The following CFAP210 variants were observed in gnomAD, a reference collection of about 807,000 sequenced individuals.
CFAP210 encodes cilia and flagella associated protein 210, also known as cilia- and flagella- associated protein 210.
the CFAP210 span, among the ~76,000 whole-genome samples, chr2:169,673,203 C>T: frequency 6.6e-6 from 1 of 152,184 alleles, no homozygotes; most frequent in East Asian, 1.9e-4. Flanking sequence ...CTGACACATA[C>T]TACAAGGAAA....
chr2:169,654,346 A>G, the CFAP210 span: 2 of 730,690 alleles, frequency 2.7e-6, no homozygotes, highest in Non-Finnish European at 4.2e-6. Context: ...ATTTTATCCC[A>G]AAGAGATGAT....
the CFAP210 span, chr2:169,646,308 T>A: frequency 1.4e-6 from 1 of 694,718 alleles, no homozygotes; most frequent in Non-Finnish European, 2.4e-6. Context: ...AGTTCTGATT[T>A]AACAACTATA....
the CFAP210 span, among the ~76,000 whole-genome samples, chr2:169,674,078 A>T: frequency 6.6e-6 from 1 of 152,162 alleles, no homozygotes; most frequent in Non-Finnish European, 1.5e-5. Context: ...ATGGAAGGCC[A>T]AGTATACTTC....
chr2:169,689,418 A>T, the CFAP210 span, among the ~76,000 whole-genome samples: 8 of 152,242 alleles, frequency 5.3e-5, no homozygotes, highest in South Asian at 1.7e-3. Context: ...TAAGTTCATC[A>T]TCAGATTCTT....
chr2:169,649,313 T>G, the CFAP210 span: 420 of 1,612,000 alleles, frequency 2.6e-4, 1 homozygote, highest in Non-Finnish European at 3.4e-5. Flanking sequence ...GCCTCTATTT[T>G]TCTTTGTCTT....
the CFAP210 span, among the ~76,000 whole-genome samples, chr2:169,654,582 T>C: frequency 6.6e-6 from 1 of 152,156 alleles, no homozygotes; most frequent in East Asian, 1.9e-4. Context: ...TATTCCAATT[T>C]CACAAATACA....
the CFAP210 span, among the ~76,000 whole-genome samples, chr2:169,687,134 G>A: frequency 6.6e-6 from 1 of 152,154 alleles, no homozygotes; most frequent in East Asian, 1.9e-4. Context: ...ACCTCTCCCT[G>A]GGTCCCTCCC....
chr2:169,660,389 CAA>C, the CFAP210 span, among the ~76,000 whole-genome samples: 1 of 132,658 alleles, frequency 7.5e-6, no homozygotes. Flanking sequence ...GACTCTGTCT[CAA>C]AAAAAAAAAA....
At chr2:169,680,397 C>A in the CFAP210 span, among the ~76,000 whole-genome samples, 2 of 152,094 alleles carry the variant, frequency 1.3e-5, no homozygotes, top group African/African-American at 4.8e-5. Context: ...CTATTCTACA[C>A]GAAGATATTT....
At chr2:169,680,142 A>G in the CFAP210 span, among the ~76,000 whole-genome samples, 4 of 152,232 alleles carry the variant, frequency 2.6e-5, no homozygotes, top group African/African-American at 9.6e-5. Context: ...GATAGAAAAT[A>G]AGTTCAGGAA....
the CFAP210 span, chr2:169,661,374 C>G: frequency 5.0e-6 from 2 of 396,200 alleles, no homozygotes; most frequent in African/African-American, 4.2e-5. Context: ...GCTTGTAATT[C>G]TATCCTTATC....
the CFAP210 span, among the ~76,000 whole-genome samples, chr2:169,676,104 C>T: frequency 2.6e-5 from 4 of 152,018 alleles, no homozygotes; most frequent in Non-Finnish European, 2.9e-5. Context: ...GCCAATTATC[C>T]CAGTATCAGT....
the CFAP210 span, among the ~76,000 whole-genome samples, chr2:169,688,857 T>C: frequency 6.6e-6 from 1 of 152,196 alleles, no homozygotes; most frequent in Non-Finnish European, 1.5e-5. Flanking sequence ...ACTTCCACAT[T>C]TTCAGTTATC....
the CFAP210 span, among the ~76,000 whole-genome samples, chr2:169,655,403 A>C: frequency 3.9e-5 from 6 of 152,180 alleles, no homozygotes; most frequent in Non-Finnish European, 5.9e-5. Flanking sequence ...TGTGCCCAGC[A>C]CTCTTAACTA....
the CFAP210 span, chr2:169,661,052 G>A: frequency 9.6e-6 from 5 of 520,880 alleles, no homozygotes; most frequent in Admixed American, 1.0e-4. Context: ...GCCTGTTCTT[G>A]CACTAGATGC....
the CFAP210 span, among the ~76,000 whole-genome samples, chr2:169,648,671 G>A: frequency 2.6e-5 from 4 of 152,112 alleles, no homozygotes; most frequent in Non-Finnish European, 4.4e-5. Context: ...TAAAATTAAG[G>A]GATGACTATC....
chr2:169,680,203 TGA>T, the CFAP210 span, among the ~76,000 whole-genome samples: 1 of 152,218 alleles, frequency 6.6e-6, no homozygotes, highest in Non-Finnish European at 1.5e-5. Flanking sequence ...AAAACTATAA[TGA>T]GATATTGCAC....
the CFAP210 span, among the ~76,000 whole-genome samples, chr2:169,663,249 C>T: frequency 1.3e-5 from 2 of 151,322 alleles, no homozygotes; most frequent in South Asian, 4.2e-4. Flanking sequence ...CAGGCTTTCT[C>T]ACTACTCTAT....
At chr2:169,683,285 T>C in the CFAP210 span, among the ~76,000 whole-genome samples, 13 of 152,196 alleles carry the variant, frequency 8.5e-5, no homozygotes, top group Admixed American at 2.0e-4. Flanking sequence ...AAATGACTAA[T>C]CTAACTCACA....
Sources: allele counts gnomAD v4.1 joint callset (sites outside exome capture counted in the v4.1 genomes callset), GRCh38; gene constraint gnomAD v4.1.1; transcripts MANE v1.5; gene names NCBI Gene and HGNC (gene_info 2026-07-23, HGNC 2026-07-21).